Variants in HTRA3 observed in about 807,000 individuals in gnomAD.
HTRA3 encodes HtrA serine peptidase 3, also known as serine protease HTRA3.
A neutral mutation model predicts 43.2 loss-of-function variants in HTRA3; 41 were observed. The observed-to-expected ratio is 0.95, with a 90% CI of 0.74 to 1.23. The LOEUF is 1.23. Among genes scored for constraint, HTRA3 ranks in the 50% most tolerant of loss-of-function variants. The pLI is 0.00. For synonymous variants in HTRA3, 295 were observed against 287.9 expected, an observed-to-expected ratio of 1.02 and a Z score of -0.25; for missense variants, 628 against 647.1, an observed-to-expected ratio of 0.97 and a Z score of 0.32.
chr4:8,278,413 C>T (rs547238540), intron 1 of HTRA3, among the ~76,000 whole-genome samples: 8 of 149,124 alleles, frequency 5.4e-5, no homozygotes, highest in South Asian at 2.1e-4. Flanking sequence ...AAAAGGCTAA[C>T]GGCTGAATCT....
At chr4:8,289,522 A>C (rs921563977) in intron 3 of HTRA3, among the ~76,000 whole-genome samples, 1 of 152,216 alleles carries the variant, frequency 6.6e-6, no homozygotes, top group Non-Finnish European at 1.5e-5. Flanking sequence ...CTGTGGCAGA[A>C]TGCTGGCAGG....
Position 8,306,520 on chromosome 4 carries a change from C to G in HTRA3, c.*384C>G. 5.6e-6 allele frequency: 1 copy of G among 178,392 alleles called. No individual in the cohort carries two copies. 11.1% of individuals were successfully genotyped at this position (178,392 alleles called of 1,614,324 possible). ...CCCCTCCTACTGCAGGTCTGGGCTG[C>G]CAAGCTTCTTCCCCCCTGACAAACG... On this transcript the variant is annotated 3_prime_UTR_variant, in exon 9 of 9. Coordinates refer to ENST00000307358, the MANE Select transcript of HTRA3 (RefSeq NM_053044.5). The surrounding 1 kb of genome is among the most constrained non-coding windows in gnomAD (Gnocchi z 8.9).
chr4:8,302,547 T>A (rs1156594277), intron 7 of HTRA3, 36 bp downstream of exon 7: 1 of 1,603,340 alleles, frequency 6.2e-7, no homozygotes, highest in Admixed American at 1.7e-5. Context: ...CTGCTACCCC[T>A]TCCTCTCATC....
In HTRA3 at chr4:8,282,487, G is replaced by A. The variant is rs774810396; in HGVS notation, c.436G>A (p.Val146Met). ...CTACAAGTTCAACTTCATTGCTGAC[G>A]TGGTGGAGAAGATCGCACCAGCCGT... ...PRYKFNFIADVVEKIAPAVVH... is the reference protein window; with the variant it reads ...PRYKFNFIADMVEKIAPAVVH... The change falls in exon 2 of 9, where the codon GTG becomes ATG. Residue 146 changes from valine (V) to methionine (M), a missense_variant. Coordinates refer to ENST00000307358, the MANE Select transcript of HTRA3 (RefSeq NM_053044.5). 1.1e-5 allele frequency: 17 copies of A among 1,614,048 alleles called. No homozygotes were observed. Among genetic ancestry groups the A allele is most frequent in the South Asian group, 2.2e-5 (2 of 91,080 alleles).
intron 5 of HTRA3, 27 bp from the exon 6 acceptor site, chr4:8,294,060 G>T (rs763809974): frequency 1.3e-6 from 2 of 1,538,612 alleles, no homozygotes; most frequent in South Asian, 2.3e-5. Context: ...TCCCCCAACT[G>T]ATGCCTGCTC....
intron 6 of HTRA3, among the ~76,000 whole-genome samples, chr4:8,301,197 A>C (rs1438547243): frequency 1.3e-5 from 2 of 148,744 alleles, no homozygotes; most frequent in African/African-American, 5.0e-5. Context: ...TTATTGATTC[A>C]CACTCTCAGC....
At chr4:8,300,927 C>CA (rs1246332677) in intron 6 of HTRA3, among the ~76,000 whole-genome samples, 1 of 147,858 alleles carries the variant, frequency 6.8e-6, no homozygotes, top group Non-Finnish European at 1.5e-5. Flanking sequence ...TATTATTGAT[C>CA]CAGTCATCTT....
chr4:8,304,664 T>G lies in HTRA3; in HGVS notation c.1196+385T>G, dbSNP rs1045420768. On this transcript the variant is annotated intron_variant, in intron 8 of 8. Coordinates refer to ENST00000307358, the MANE Select transcript of HTRA3 (RefSeq NM_053044.5). ...TATTGTTTTTTTTTTTTTTTTTTTT[T>G]TTTTTTTTTTGAGACAGTCTCCCTC... Among the ~76,000 whole-genome samples, 318 of 137,644 alleles carry G rather than the reference T, an allele frequency of 2.3e-3. 4 individuals carry two copies. Among genetic ancestry groups the G allele is most frequent in the Non-Finnish European group, 2.6e-3 (172 of 64,910 alleles). 90.3% of individuals were successfully genotyped at this position (137,644 alleles called of 152,430 possible). A position where few individuals can be genotyped will look rare whatever the true frequency, so the allele number is the denominator to read the frequency against.
chr4:8,287,798 G>A (rs1713055275), intron 3 of HTRA3, among the ~76,000 whole-genome samples: 1 of 152,202 alleles, frequency 6.6e-6, no homozygotes, highest in South Asian at 2.1e-4. Context: ...TGGAAGTTAG[G>A]TAACTCGTCC....
chr4:8,300,331 T>G (rs1713592047), intron 6 of HTRA3, among the ~76,000 whole-genome samples: 1 of 152,232 alleles, frequency 6.6e-6, no homozygotes, highest in Non-Finnish European at 1.5e-5. Flanking sequence ...CTTAAACATC[T>G]GGTGGAATTC....
chr4:8,278,644 C>A (rs1412517857), intron 1 of HTRA3, among the ~76,000 whole-genome samples: 1 of 152,110 alleles, frequency 6.6e-6, no homozygotes, highest in African/African-American at 2.4e-5. Context: ...GCCCCTGCCC[C>A]CACCCCACCA....
At chr4:8,277,345 C>A (rs148831824) in intron 1 of HTRA3, among the ~76,000 whole-genome samples, 274 of 152,332 alleles carry the variant, frequency 1.8e-3, no homozygotes, top group African/African-American at 6.5e-3. Flanking sequence ...CCTGGAATGG[C>A]TCCTCTGTCT....
In HTRA3 at chr4:8,269,856, T is replaced by C. The variant is rs1712168469; in HGVS notation, c.-113T>C. 8.2e-6 allele frequency: 3 copies of C among 363,786 alleles called. No individual in the cohort carries two copies. The highest frequency in any genetic ancestry group is 4.4e-5 in the African/African-American group (2 of 45,208). 22.5% of individuals were successfully genotyped at this position (363,786 alleles called of 1,614,324 possible). A position where few individuals can be genotyped will look rare whatever the true frequency, so the allele number is the denominator to read the frequency against. The stretch of plus-strand genomic sequence containing the variant: ...AGCCACCGGCGCATGTGACCGCGCG[T>C]CCGCCCCAGTCCCATCCGTAGGCGC... On this transcript the variant is annotated 5_prime_UTR_variant, in exon 1 of 9. Coordinates refer to ENST00000307358, the MANE Select transcript of HTRA3 (RefSeq NM_053044.5).
chr4:8,295,635 C>CA lies in HTRA3; in HGVS notation c.1051+1436dup. ...GTGTCTCCTGTGCCCACCTCCTGGC[C>CA]AACGCCCAGGCCTGACTCAGCAACT... On this transcript the variant is annotated intron_variant, in intron 6 of 8. Coordinates refer to ENST00000307358, the MANE Select transcript of HTRA3 (RefSeq NM_053044.5). This position sits in a 1 kb window ranked among gnomAD's most constrained non-coding sequence, Gnocchi z 6.9. 1 of 1,299,782 alleles carries CA rather than the reference C, an allele frequency of 7.7e-7. No homozygotes were observed. The allele number at this position is 1,299,782 out of a possible 1,614,324, so 80.5% of individuals were successfully genotyped here. A position where few individuals can be genotyped will look rare whatever the true frequency, so the allele number is the denominator to read the frequency against.
In HTRA3 at chr4:8,289,780, G is replaced by A. The variant is rs1369280950; in HGVS notation, c.709-1590G>A. Among the ~76,000 whole-genome samples the A allele has an allele frequency of 7.3e-5, 11 of 150,934 alleles. No homozygotes were observed. In the East Asian group the frequency reaches 1.2e-3, roughly 16 times the overall value. On this transcript the variant is annotated intron_variant, in intron 3 of 8. Coordinates refer to ENST00000307358, the MANE Select transcript of HTRA3 (RefSeq NM_053044.5). Reference sequence around the variant, plus strand: ...GGATGGCTGACCCTCCCCAGCTCACGGCCTCACCTGTGCACCCTCCTTGGG... The same window carrying A: ...GGATGGCTGACCCTCCCCAGCTCACAGCCTCACCTGTGCACCCTCCTTGGG...
At position 8,282,666 on chromosome 4, in the gene HTRA3, G is replaced by A. The variant is rs571107019; in HGVS notation, c.485+130G>A. The A allele has an allele frequency of 9.1e-5, 64 of 706,468 alleles. No individual in the cohort carries two copies. In the South Asian group the frequency reaches 1.0e-3, roughly 11 times the overall value. 43.8% of individuals were successfully genotyped at this position (706,468 alleles called of 1,614,324 possible). On this transcript the variant is annotated intron_variant, in intron 2 of 8. Coordinates refer to ENST00000307358, the MANE Select transcript of HTRA3 (RefSeq NM_053044.5). ...AACTGGAGTGGCCTGGGGTCAGGCT[G>A]ACCTCAGTCACATCTGCTGGCTGCC...
Position 8,306,204 on chromosome 4 carries a change from C to A in HTRA3, c.*68C>A. The A allele has an allele frequency of 1.4e-6, 2 of 1,479,120 alleles. No homozygotes were observed. Among genetic ancestry groups the A allele is most frequent in the Non-Finnish European group, 1.8e-6 (2 of 1,105,396 alleles). 91.6% of individuals were successfully genotyped at this position (1,479,120 alleles called of 1,614,324 possible). A position where few individuals can be genotyped will look rare whatever the true frequency, so the allele number is the denominator to read the frequency against. On this transcript the variant is annotated 3_prime_UTR_variant, in exon 9 of 9. Transcript: ENST00000307358. The surrounding 1 kb of genome is among the most constrained non-coding windows in gnomAD (Gnocchi z 8.9). ...ACGGAGGGCAGCGCCCCCCCGAGAT[C>A]AGGACGAAGGACCACCGTCGGTCCT...
At chr4:8,289,337 A>C (rs1249807728) in intron 3 of HTRA3, among the ~76,000 whole-genome samples, 1 of 152,234 alleles carries the variant, frequency 6.6e-6, no homozygotes, top group Admixed American at 6.5e-5. Flanking sequence ...CTGCTGTGGC[A>C]AAAATGCAGC....
rs73083614 is a variant in HTRA3 at position 8,285,959 on chromosome 4, G to A, written c.486-602G>A. Among the ~76,000 whole-genome samples the A allele has an allele frequency of 7.5e-3, 1,144 of 152,328 alleles. 9 individuals carry two copies. The highest frequency in any genetic ancestry group is 0.026 in the African/African-American group (1,073 of 41,580). ...GCCCTCCCAGCACTCACCCTGTCGGGATGATCAGGAATCTGCCCCAGCCTC... is the reference window on the plus strand; with the variant it reads ...GCCCTCCCAGCACTCACCCTGTCGGAATGATCAGGAATCTGCCCCAGCCTC... On this transcript the variant is annotated intron_variant, in intron 2 of 8. Coordinates refer to ENST00000307358, the MANE Select transcript of HTRA3 (RefSeq NM_053044.5).
Sources: allele counts gnomAD v4.1 joint callset (sites outside exome capture counted in the v4.1 genomes callset), GRCh38; gene constraint gnomAD v4.1.1; non-coding constraint Gnocchi (gnomAD v3.1); transcripts MANE v1.5; gene names NCBI Gene and HGNC (gene_info 2026-07-23, HGNC 2026-07-21).